The following KCNT1 variants were observed in gnomAD, a reference collection of about 807,000 sequenced individuals.
The protein encoded by KCNT1 is potassium sodium-activated channel subfamily T member 1, also known as potassium channel subfamily T member 1.
Under a neutral mutation model 147.8 loss-of-function variants are expected in KCNT1, and 78 were observed. That is an observed-to-expected ratio of 0.53 (90% confidence interval 0.44 to 0.64). The LOEUF (loss-of-function observed/expected upper bound fraction) is 0.64, where lower values mean the gene tolerates loss of function less well. Among genes scored for constraint, KCNT1 ranks in the 30% least tolerant of loss-of-function variants. The pLI is 0.00. For missense variants in KCNT1, 1,419 were observed against 1,750.3 expected, an observed-to-expected ratio of 0.81 and a Z score of 3.38; for synonymous variants, 867 against 748.8, an observed-to-expected ratio of 1.16 and a Z score of -2.58.
intron 2 of KCNT1, among the ~76,000 whole-genome samples, chr9:135,738,622 G>A (rs1227603574): frequency 6.6e-6 from 1 of 152,176 alleles, no homozygotes; most frequent in Non-Finnish European, 1.5e-5. Flanking sequence ...TTGTTGAGAA[G>A]ACAGTGAAGC....
intron 2 of KCNT1, among the ~76,000 whole-genome samples, chr9:135,727,460 C>G (rs539853223): frequency 2.5e-3 from 371 of 148,692 alleles, no homozygotes; most frequent in African/African-American, 8.7e-3. Flanking sequence ...CTCTCTTTCT[C>G]TCTCTCCCTC....
chr9:135,745,164 T>A (rs1270188365), intron 2 of KCNT1, among the ~76,000 whole-genome samples: 1 of 152,182 alleles, frequency 6.6e-6, no homozygotes, highest in Non-Finnish European at 1.5e-5. Flanking sequence ...AGTGAACTGA[T>A]GAGTGGATGA....
intron 30 of KCNT1, 55 bp downstream of exon 30, chr9:135,791,936 T>G (rs1387012742): frequency 1.9e-6 from 3 of 1,610,244 alleles, no homozygotes; most frequent in Non-Finnish European, 2.5e-6. Flanking sequence ...AGGTGGGCAC[T>G]GGGGAGATGA....
intron 28 of KCNT1, 40 bp downstream of exon 28, chr9:135,785,370 AC>A: frequency 6.2e-7 from 1 of 1,612,312 alleles, no homozygotes; most frequent in Admixed American, 1.7e-5. Context: ...TCTGCGGAGC[AC>A]CAGAACATCG....
intron 2 of KCNT1, among the ~76,000 whole-genome samples, chr9:135,721,560 G>A (rs1411226807): frequency 6.6e-6 from 1 of 152,224 alleles, no homozygotes; most frequent in Non-Finnish European, 1.5e-5. Flanking sequence ...CGCATACCAG[G>A]AGCCAATCCC....
At chr9:135,759,900 G>C in intron 11 of KCNT1, 41 bp downstream of exon 11, 1 of 1,537,086 alleles carries the variant, frequency 6.5e-7, no homozygotes, top group Non-Finnish European at 8.8e-7. Flanking sequence ...CACCAGCAAA[G>C]GGACAGGCGG....
In KCNT1 at chr9:135,714,443, C is replaced by T; in HGVS notation, c.111-134C>T. The stretch of plus-strand genomic sequence containing the variant: ...CATGTGCCGCCAGGCCCGCCCCCGC[C>T]CGGCCGCCCGCCCGCCCGGTGGGTC... On this transcript the variant is annotated intron_variant, in intron 1 of 30. Transcript: ENST00000371757. This position sits in a 1 kb window ranked among gnomAD's most constrained non-coding sequence, Gnocchi z 6.2. 1 of 446,626 alleles carries T rather than the reference C, an allele frequency of 2.2e-6. No individual in the cohort carries two copies. The highest frequency in any genetic ancestry group is 2.9e-6 in the Non-Finnish European group (1 of 341,754). The allele number at this position is 446,626 out of a possible 1,614,324, so 27.7% of individuals were successfully genotyped here. A position where few individuals can be genotyped will look rare whatever the true frequency, so the allele number is the denominator to read the frequency against.
At chr9:135,749,442 G>A (rs1386413315) in intron 2 of KCNT1, among the ~76,000 whole-genome samples, 1 of 152,218 alleles carries the variant, frequency 6.6e-6, no homozygotes, top group Non-Finnish European at 1.5e-5. Context: ...GTTGAGGGGT[G>A]TCTGGGAACC....
At chr9:135,764,882 G>T in intron 11 of KCNT1, 149 bp from the exon 12 acceptor site, 1 of 717,308 alleles carries the variant, frequency 1.4e-6, no homozygotes, top group Non-Finnish European at 2.3e-6. Flanking sequence ...TTTCCATGTG[G>T]GAAAGGCCCC....
chr9:135,740,496 A>T (rs571100916), intron 2 of KCNT1, among the ~76,000 whole-genome samples: 1 of 152,298 alleles, frequency 6.6e-6, no homozygotes, highest in African/African-American at 2.4e-5. Flanking sequence ...GGCAGCTGAG[A>T]CTGCTCCTTA....
At chr9:135,748,667 G>T (rs1056906499) in intron 2 of KCNT1, among the ~76,000 whole-genome samples, 4 of 152,218 alleles carry the variant, frequency 2.6e-5, no homozygotes, top group Non-Finnish European at 4.4e-5. Context: ...CTTGAACACT[G>T]CCTCCTCCAC....
chr9:135,736,033 C>T (rs1262827562), intron 2 of KCNT1, among the ~76,000 whole-genome samples: 1 of 152,244 alleles, frequency 6.6e-6, no homozygotes, highest in African/African-American at 2.4e-5. Context: ...GATCTGTGCC[C>T]GGTGCCCAGC....
At chr9:135,737,829 G>T (rs923330135) in intron 2 of KCNT1, among the ~76,000 whole-genome samples, 5 of 152,202 alleles carry the variant, frequency 3.3e-5, no homozygotes, top group Non-Finnish European at 7.4e-5. Flanking sequence ...GCCCTGGGGG[G>T]GCACTGCCCA....
chr9:135,706,626 G>A (rs1347308662), intron 1 of KCNT1, among the ~76,000 whole-genome samples: 1 of 152,230 alleles, frequency 6.6e-6, no homozygotes, highest in African/African-American at 2.4e-5. Flanking sequence ...CACAAGAGGG[G>A]CAAAGAGGGC....
At chr9:135,727,244 CCT>C (rs1245839301) in intron 2 of KCNT1, among the ~76,000 whole-genome samples, 3 of 78,716 alleles carry the variant, frequency 3.8e-5, no homozygotes, top group Admixed American at 1.2e-4. Flanking sequence ...TCTCTCTCCC[CCT>C]CTCTCTCTCC....
At chr9:135,757,042 C>T in intron 7 of KCNT1, 110 bp downstream of exon 7, 1 of 1,125,500 alleles carries the variant, frequency 8.9e-7, no homozygotes, top group Non-Finnish European at 1.3e-6. Context: ...TTCCCAGCCT[C>T]ATCCACTGAC....
At position 135,702,301 on chromosome 9, in the gene KCNT1, C is replaced by CG; in HGVS notation, c.46dup (p.Glu16GlyfsTer15). The CG allele has an allele frequency of 1.9e-6, 3 of 1,609,982 alleles. No individual in the cohort carries two copies. The highest frequency in any genetic ancestry group is 2.5e-6 in the Non-Finnish European group (3 of 1,178,548). Reference sequence around the variant, plus strand: ...GGCGCGGACCCCGGGGGGCGTCTGCCGGGAGGCGCGCGGCGGGGGCTACAC... The same window carrying CG: ...GGCGCGGACCCCGGGGGGCGTCTGCCGGGGAGGCGCGCGGCGGGGGCTACAC... On this transcript the variant is annotated frameshift_variant, in exon 1 of 31. Coordinates refer to ENST00000371757, the MANE Select transcript of KCNT1 (RefSeq NM_020822.3). LOFTEE classifies it high-confidence loss of function.
intron 1 of KCNT1, among the ~76,000 whole-genome samples, chr9:135,708,790 C>G (rs1047047220): frequency 6.6e-6 from 1 of 152,230 alleles, no homozygotes; most frequent in Non-Finnish European, 1.5e-5. Flanking sequence ...AGTGATCTGC[C>G]TACCTCGGGC....
intron 20 of KCNT1, among the ~76,000 whole-genome samples, chr9:135,775,775 C>T (rs1051991237): frequency 6.6e-6 from 1 of 152,194 alleles, no homozygotes; most frequent in African/African-American, 2.4e-5. Context: ...GACCCCGGCC[C>T]GGCATGGGTG....
Sources: allele counts gnomAD v4.1 joint callset (sites outside exome capture counted in the v4.1 genomes callset), GRCh38; gene constraint gnomAD v4.1.1; non-coding constraint Gnocchi (gnomAD v3.1); transcripts MANE v1.5; gene names NCBI Gene and HGNC (gene_info 2026-07-23, HGNC 2026-07-21).